KIF23: variants seen among roughly 807,000 people sequenced by gnomAD.
KIF23 encodes the protein kinesin-like protein KIF23.
KIF23 carries 30 observed loss-of-function variants against 137.5 expected under a neutral mutation model. The observed-to-expected ratio is 0.22, with a 90% CI of 0.16 to 0.30. The LOEUF is 0.30. KIF23 is among the 10% of genes least tolerant of loss of function. KIF23 has a pLI of 1.00. For missense variants in KIF23, 920 were observed against 1,194.3 expected (o/e 0.77, Z 3.38); for synonymous variants, 367 against 391.1 (o/e 0.94, Z 0.73).
At position 69,425,312 on chromosome 15, in the gene KIF23, C is replaced by T. The variant is rs1402626050; in HGVS notation, c.765C>T (p.Asn255=). 1.3e-6 allele frequency: 2 copies of T among 1,535,896 alleles called. No individual in the cohort carries two copies. Among genetic ancestry groups the T allele is most frequent in the Non-Finnish European group, 1.7e-6 (2 of 1,146,796 alleles). ...KWNSCSTPMR[N]TDFVPPQSKL... ...ACAGTTGCAGCACACCCATGAGGAA[C>T]ACAGATTTTGTGTATGTGATGGTGT... The change falls in exon 8 of 24, where the codon AAC becomes AAT. Residue 255 remains asparagine, a synonymous_variant. Transcript: ENST00000679126.
intron 11 of KIF23, among the ~76,000 whole-genome samples, chr15:69,430,905 C>A (rs552344501): frequency 6.6e-6 from 1 of 152,148 alleles, no homozygotes; most frequent in South Asian, 2.1e-4. Flanking sequence ...AAGGCTGGAG[C>A]CAGATTGGTT....
intron 11 of KIF23, chr15:69,434,957 GC>G: frequency 1.6e-6 from 1 of 644,370 alleles, no homozygotes. Context: ...GGATGGGCGA[GC>G]CCTCAGGTGT....
Position 69,422,367 on chromosome 15 carries a change from T to TGAG in KIF23, c.497_499dup (p.Glu166dup). On this transcript the variant is annotated inframe_insertion, in exon 6 of 24. Coordinates refer to ENST00000679126, the MANE Select transcript of KIF23 (RefSeq NM_001367805.3). ...ATAGGAATAGTATGGATATACAGTG[T>TGAG]GAGGTTGATGCCTTATTAGAACGTC... 6.2e-7 allele frequency: 1 copy of TGAG among 1,610,716 alleles called. No homozygotes were observed. Among genetic ancestry groups the TGAG allele is most frequent in the Admixed American group, 1.7e-5 (1 of 59,976 alleles).
intron 3 of KIF23, 127 bp downstream of exon 3, chr15:69,417,638 A>G: frequency 9.9e-7 from 1 of 1,009,908 alleles, no homozygotes; most frequent in Non-Finnish European, 1.4e-6. Context: ...ACTTCATTAT[A>G]ACCACTGTAT....
Position 69,418,924 on chromosome 15 carries a change from C to T in KIF23, c.210+1413C>T, listed in dbSNP as rs915380452. ...CTGAGGTCAGGAGTTCAAGACCAGCCTGACCAATATGATGAAACCCTGTCT... is the reference window on the plus strand; with the variant it reads ...CTGAGGTCAGGAGTTCAAGACCAGCTTGACCAATATGATGAAACCCTGTCT... On this transcript the variant is annotated intron_variant, in intron 3 of 23. Transcript: ENST00000679126. 2.6e-5 allele frequency among the ~76,000 whole-genome samples: 4 copies of T among 152,124 alleles called. No homozygotes were observed. The South Asian group carries it at 8.3e-4, about 32-fold the overall frequency.
At chr15:69,425,952 A>G in intron 8 of KIF23, 118 bp from the exon 9 acceptor site, 1 of 236,608 alleles carries the variant, frequency 4.2e-6, no homozygotes, top group Admixed American at 5.5e-5. Context: ...TATAAAATAT[A>G]TATAATTTTC....
In KIF23 at chr15:69,444,150, CTG is replaced by C. The variant is rs1330995270; in HGVS notation, c.2422-638_2422-637del. The C allele has an allele frequency of 6.6e-6, 1 of 152,050 alleles. No individual in the cohort carries two copies. The highest frequency in any genetic ancestry group is 6.6e-5 in the Admixed American group (1 of 15,260). The allele number at this position is 152,050 out of a possible 1,614,324, so 9.4% of individuals were successfully genotyped here. On this transcript the variant is annotated intron_variant, in intron 19 of 23. Coordinates refer to ENST00000679126, the MANE Select transcript of KIF23 (RefSeq NM_001367805.3). This position sits in a 1 kb window ranked among gnomAD's most constrained non-coding sequence, Gnocchi z 4.2. ...TTGTGTGATAGAGACTGATTTGACA[CTG>C]TATTATTTATTTGTTTCTTGGAACC...
intron 11 of KIF23, chr15:69,434,888 G>A (rs2057437499): frequency 2.5e-5 from 18 of 725,570 alleles, no homozygotes; most frequent in Non-Finnish European, 3.8e-5. Flanking sequence ...GGCCATGCTT[G>A]CCCATCACCA....
intron 11 of KIF23, among the ~76,000 whole-genome samples, chr15:69,431,299 A>G (rs936193420): frequency 6.6e-6 from 1 of 152,190 alleles, no homozygotes; most frequent in African/African-American, 2.4e-5. Context: ...CTTGAGGTTT[A>G]TAGGTTTAGG....
chr15:69,437,798 A>G (rs2057519391), intron 15 of KIF23, among the ~76,000 whole-genome samples: 1 of 152,100 alleles, frequency 6.6e-6, no homozygotes, highest in South Asian at 2.1e-4. Flanking sequence ...AATCTTTACC[A>G]AAAAGTTGTG....
chr15:69,415,992 A>AG lies in KIF23; in HGVS notation c.12dup. The AG allele has an allele frequency of 6.4e-7, 1 of 1,571,222 alleles. No individual in the cohort carries two copies. The highest frequency in any genetic ancestry group is 8.6e-7 in the Non-Finnish European group (1 of 1,166,416). On this transcript the variant is annotated splice_acceptor_variant, in intron 1 of 23. Transcript: ENST00000679126. LOFTEE classifies it high-confidence loss of function. The stretch of plus-strand genomic sequence containing the variant: ...TATTATTATTTTTTAATCTATGACC[A>AG]GGAGAGCTAAGACACCCCGGAAACC...
chr15:69,430,730 CT>C (rs940387444), intron 11 of KIF23, among the ~76,000 whole-genome samples: 6 of 152,256 alleles, frequency 3.9e-5, no homozygotes, highest in African/African-American at 1.4e-4. Context: ...ATGAAGACCC[CT>C]GTCTGTCATA....
intron 10 of KIF23, 69 bp from the exon 11 acceptor site, chr15:69,429,038 TATGA>T: frequency 1.0e-6 from 1 of 973,080 alleles, no homozygotes; most frequent in Non-Finnish European, 1.6e-6. Context: ...AGCTTGTTGA[TATGA>T]ATCTATTTAA....
intron 11 of KIF23, chr15:69,434,718 G>T: frequency 7.2e-7 from 1 of 1,391,242 alleles, no homozygotes; most frequent in Non-Finnish European, 1.0e-6. Context: ...GGGAGGATCA[G>T]GGATCTTCTC....
chr15:69,440,309 A>T lies in KIF23; in HGVS notation c.1931A>T (p.Glu644Val), dbSNP rs372855370. Residue 644 changes from glutamate (E) to valine (V), a missense_variant and splice_region_variant, in exon 18 of 24, where the codon GAG becomes GTG. By Grantham distance (121) the Glu-to-Val change is moderately radical. Transcript: ENST00000679126. Reference sequence around the variant, plus strand: ...TACATTGCCACTGATAATCTGTAGGAGCGTAGAGTGGCAGCCAAACAGCTG... The same window carrying T: ...TACATTGCCACTGATAATCTGTAGGTGCGTAGAGTGGCAGCCAAACAGCTG... ...ETTMKWEKEC[E>V]RRVAAKQLEM... 7.9e-5 allele frequency: 127 copies of T among 1,612,384 alleles called. No homozygotes were observed. The highest frequency in any genetic ancestry group is 3.3e-4 in the Middle Eastern group (2 of 6,078).
intron 19 of KIF23, among the ~76,000 whole-genome samples, chr15:69,443,201 A>G (rs1444678269): frequency 6.6e-6 from 1 of 152,034 alleles, no homozygotes; most frequent in Non-Finnish European, 1.5e-5. Flanking sequence ...CTTGTTAACT[A>G]TATAGCGAAA....
Position 69,423,147 on chromosome 15 carries a change from T to A in KIF23, c.564-12T>A. ...ACTTATAACGTATACAATTGAACTT[T>A]TCTTTTTTTAGACGACAAGTAGATC... On this transcript the variant is annotated splice_polypyrimidine_tract_variant and intron_variant, in intron 6 of 23. Transcript: ENST00000679126. The A allele has an allele frequency of 6.6e-7, 1 of 1,514,812 alleles. No homozygotes were observed. The allele number at this position is 1,514,812 out of a possible 1,614,324, so 93.8% of individuals were successfully genotyped here.
Position 69,441,072 on chromosome 15 carries a change from G to A in KIF23, c.2414G>A (p.Cys805Tyr), listed in dbSNP as rs923975240. Residue 805 changes from cysteine (C) to tyrosine (Y), a missense_variant, in exon 19 of 24, where the codon TGC becomes TAC. This residue lies in a region of KIF23 where 714 missense variants were observed against 866.2 expected (regional missense o/e 0.82). Transcript: ENST00000679126. ...RNEIEIEEDHCGRLLFQPDQN... is the reference protein window; with the variant it reads ...RNEIEIEEDHYGRLLFQPDQN... The stretch of plus-strand genomic sequence containing the variant: ...GAGATAGAAATAGAAGAGGATCATT[G>A]CGGCAGGGTTAGTGCCAGTATTATT... 6.2e-7 allele frequency: 1 copy of A among 1,609,624 alleles called. No individual in the cohort carries two copies. Among genetic ancestry groups the A allele is most frequent in the African/African-American group, 1.3e-5 (1 of 74,846 alleles).
rs1567060175 is a variant in KIF23, at chr15:69,422,428, T to G, written c.556T>G (p.Ser186Ala). The G allele has an allele frequency of 6.4e-7, 1 of 1,572,378 alleles. No homozygotes were observed. The highest frequency in any genetic ancestry group is 1.7e-5 in the Admixed American group (1 of 59,904). Residue 186 changes from serine (S) to alanine (A), a missense_variant, in exon 6 of 24, where the codon TCT becomes GCT. Physicochemically the swap from Ser to Ala is moderately conservative, Grantham distance 99. Around this residue, in one of 4 missense-constraint regions of KIF23, gnomAD observed 714 missense variants for 866.2 expected, o/e 0.82. Coordinates refer to ENST00000679126, the MANE Select transcript of KIF23 (RefSeq NM_001367805.3). ...AGCTATGCCCAATCCAAAGACTTCTTCTAGCAAGTAAGTAATTATATTTGT... is the reference window on the plus strand; with the variant it reads ...AGCTATGCCCAATCCAAAGACTTCTGCTAGCAAGTAAGTAATTATATTTGT... ...REAMPNPKTSSSKRQVDPEFA... is the reference protein window; with the variant it reads ...REAMPNPKTSASKRQVDPEFA...
Sources: allele counts gnomAD v4.1 joint callset (sites outside exome capture counted in the v4.1 genomes callset), GRCh38; gene constraint gnomAD v4.1.1; regional missense constraint gnomAD v4.1.1; non-coding constraint Gnocchi (gnomAD v3.1); transcripts MANE v1.5; gene names NCBI Gene and HGNC (gene_info 2026-07-23, HGNC 2026-07-21).